The following TAFA4 variants were observed in gnomAD, a reference collection of about 807,000 sequenced individuals.
TAFA4 encodes chemokine-like protein TAFA-4.
Under a neutral mutation model 21.1 loss-of-function variants are expected in TAFA4, and 20 were observed. That is an observed-to-expected ratio of 0.95 (90% confidence interval 0.67 to 1.38). The LOEUF (loss-of-function observed/expected upper bound fraction) is 1.38. TAFA4 is among the 40% of genes most tolerant of loss of function. The pLI is 0.00. For synonymous variants in TAFA4, 71 were observed against 67.4 expected, an observed-to-expected ratio of 1.05 and a Z score of -0.26; for missense variants, 211 against 180.9, an observed-to-expected ratio of 1.17 and a Z score of -0.95.
chr3:68,877,090 G>A (rs948784492), intron 3 of TAFA4, among the ~76,000 whole-genome samples: 1 of 152,150 alleles, frequency 6.6e-6, no homozygotes, highest in Admixed American at 6.5e-5. Flanking sequence ...CGGGCGCAGT[G>A]TCTCAGGCCT....
At chr3:68,808,958 C>G (rs1011863169) in intron 3 of TAFA4, among the ~76,000 whole-genome samples, 1 of 152,196 alleles carries the variant, frequency 6.6e-6, no homozygotes, top group Non-Finnish European at 1.5e-5. Context: ...GAAACCCCCA[C>G]TAACTTTACA....
At chr3:68,771,321 G>T (rs1702952679) in intron 3 of TAFA4, among the ~76,000 whole-genome samples, 1 of 152,220 alleles carries the variant, frequency 6.6e-6, no homozygotes, top group Admixed American at 6.5e-5. Flanking sequence ...AAAGTTGAAA[G>T]AACATACTGT....
At chr3:68,762,470 G>A (rs1438199246) in intron 3 of TAFA4, among the ~76,000 whole-genome samples, 1 of 152,274 alleles carries the variant, frequency 6.6e-6, no homozygotes, top group East Asian at 1.9e-4. Flanking sequence ...GAAATGGGTA[G>A]AGCATCAAAG....
At chr3:68,809,445 ATTT>A (rs541006171) in intron 3 of TAFA4, among the ~76,000 whole-genome samples, 3 of 151,210 alleles carry the variant, frequency 2.0e-5, no homozygotes, top group Non-Finnish European at 4.4e-5. Context: ...TTTGTTTGTG[ATTT>A]TTTTTAGTTT....
At chr3:68,767,879 T>C (rs1393286776) in intron 3 of TAFA4, among the ~76,000 whole-genome samples, 3 of 152,030 alleles carry the variant, frequency 2.0e-5, no homozygotes, top group Non-Finnish European at 2.9e-5. Context: ...TTGATAAATA[T>C]TTCTAAAAAT....
At chr3:68,737,796 G>A (rs1012049132) in intron 5 of TAFA4, among the ~76,000 whole-genome samples, 5 of 152,086 alleles carry the variant, frequency 3.3e-5, no homozygotes, top group South Asian at 4.1e-4. Flanking sequence ...TAAAGGGGAC[G>A]ACATAAGAAA....
chr3:68,929,786 C>T (rs939875708), intron 1 of TAFA4, among the ~76,000 whole-genome samples: 1 of 152,120 alleles, frequency 6.6e-6, no homozygotes, highest in Non-Finnish European at 1.5e-5. Context: ...TAGAAATACC[C>T]AAAACTCTCA....
intron 3 of TAFA4, among the ~76,000 whole-genome samples, chr3:68,758,372 G>A (rs1185331798): frequency 6.6e-6 from 1 of 152,204 alleles, no homozygotes; most frequent in Non-Finnish European, 1.5e-5. Flanking sequence ...CCTGATGGGA[G>A]GTAATTGACT....
At chr3:68,758,100 G>T (rs1702690638) in intron 3 of TAFA4, among the ~76,000 whole-genome samples, 2 of 152,158 alleles carry the variant, frequency 1.3e-5, no homozygotes, top group African/African-American at 4.8e-5. Flanking sequence ...TGAAGGAAAG[G>T]TTCCCCTCTT....
intron 3 of TAFA4, among the ~76,000 whole-genome samples, chr3:68,805,299 A>G (rs1290328876): frequency 6.6e-6 from 1 of 152,182 alleles, no homozygotes; most frequent in Non-Finnish European, 1.5e-5. Flanking sequence ...AAAAGTCAGG[A>G]AACAACAGAT....
chr3:68,797,423 C>T (rs958251977), intron 3 of TAFA4, among the ~76,000 whole-genome samples: 9 of 151,884 alleles, frequency 5.9e-5, no homozygotes, highest in African/African-American at 2.2e-4. Flanking sequence ...ACCATCCTGG[C>T]TAACACGTTG....
chr3:68,931,002 G>A (rs1418579388), intron 1 of TAFA4, among the ~76,000 whole-genome samples: 1 of 152,182 alleles, frequency 6.6e-6, no homozygotes, highest in Non-Finnish European at 1.5e-5. Flanking sequence ...TGTTCTAGAG[G>A]GGGCCAAACG....
chr3:68,829,412 T>G (rs934106435), intron 3 of TAFA4, among the ~76,000 whole-genome samples: 1 of 152,236 alleles, frequency 6.6e-6, no homozygotes, highest in African/African-American at 2.4e-5. Flanking sequence ...CTGTTGAATT[T>G]TGTCAAAGGG....
intron 3 of TAFA4, among the ~76,000 whole-genome samples, chr3:68,795,029 C>G (rs1703428279): frequency 6.6e-6 from 1 of 150,488 alleles, no homozygotes; most frequent in South Asian, 2.1e-4. Context: ...CACACACACA[C>G]ACACACAGAC....
chr3:68,850,254 T>C (rs1423776262), intron 3 of TAFA4, among the ~76,000 whole-genome samples: 1 of 152,162 alleles, frequency 6.6e-6, no homozygotes, highest in Non-Finnish European at 1.5e-5. Flanking sequence ...TTTCAGTTGC[T>C]CATTTCTTTT....
At position 68,854,295 on chromosome 3, in the gene TAFA4, G is replaced by A. The variant is rs753495031; in HGVS notation, c.130+26435C>T. 7.9e-5 allele frequency among the ~76,000 whole-genome samples: 12 copies of A among 151,980 alleles called. 1 individual carries two copies. Among genetic ancestry groups the A allele is most frequent in the Non-Finnish European group, 1.6e-4 (11 of 67,994 alleles). ...GGCTGAAACAAGGTGAACAAGAAGA[G>A]AATGGCAGACGACATCAGGGATAGA... is the stretch of plus-strand genomic sequence containing the variant. On this transcript the variant is annotated intron_variant, in intron 3 of 5. Transcript: ENST00000295569.
intron 3 of TAFA4, among the ~76,000 whole-genome samples, chr3:68,779,847 A>G (rs1273880421): frequency 2.0e-5 from 3 of 152,140 alleles, no homozygotes; most frequent in Non-Finnish European, 4.4e-5. Flanking sequence ...TAGTGGAGCT[A>G]TGAGAAGAGG....
At chr3:68,824,117 G>A (rs556649350) in intron 3 of TAFA4, among the ~76,000 whole-genome samples, 2 of 152,232 alleles carry the variant, frequency 1.3e-5, no homozygotes, top group South Asian at 4.1e-4. Context: ...CTAAATAACT[G>A]CCCTAAGTTA....
chr3:68,780,366 G>C (rs750088379), intron 3 of TAFA4, among the ~76,000 whole-genome samples: 1 of 152,190 alleles, frequency 6.6e-6, no homozygotes, highest in Non-Finnish European at 1.5e-5. Flanking sequence ...AATTGCGGGG[G>C]AGCCAGAGGT....
Sources: gnomAD v4.1 joint callset for allele counts (sites outside exome capture counted in the v4.1 genomes callset) on GRCh38, gnomAD v4.1.1 for gene constraint, MANE v1.5 for transcripts, NCBI Gene and HGNC (gene_info 2026-07-23, HGNC 2026-07-21) for gene names.